Variants in HNF4A observed in about 807,000 individuals in gnomAD.
HNF4A encodes hepatocyte nuclear factor 4-alpha.
A neutral mutation model predicts 52.4 loss-of-function variants in HNF4A; 15 were observed. The ratio of observed to expected loss-of-function variants is 0.29; its 90% CI spans 0.19 to 0.44. The LOEUF (loss-of-function observed/expected upper bound fraction) is 0.44, where lower values mean the gene tolerates loss of function less well. Ranked by LOEUF, HNF4A falls within the 20% of genes least tolerant of loss-of-function variation. The probability of loss-of-function intolerance (pLI) is 1.00; values close to 1 mark genes in which losing one functional copy is unlikely to be tolerated. For missense variants in HNF4A, 479 were observed against 647.2 expected (o/e 0.74, Z 2.82); for synonymous variants, 280 against 264.4 (o/e 1.06, Z -0.57).
chr20:44,422,202 G>A (rs1256888187), intron 7 of HNF4A, among the ~76,000 whole-genome samples: 1 of 152,076 alleles, frequency 6.6e-6, no homozygotes, highest in African/African-American at 2.4e-5. Context: ...TTACCAGAGG[G>A]TGAGATTTCT....
chr20:44,425,656 C>T (rs184773767), intron 8 of HNF4A, among the ~76,000 whole-genome samples: 5 of 129,464 alleles, frequency 3.9e-5, no homozygotes, highest in Non-Finnish European at 4.8e-5. Flanking sequence ...TTCTTTTTTC[C>T]TTTTTTTTTT....
At position 44,418,518 on chromosome 20, in the gene HNF4A, G is replaced by A. The variant is rs747120718; in HGVS notation, c.736+6G>A. ...CAAGGACGTGCTGCTCCTAGGTGAG[G>A]CGGCTGCCTGCCCTGGCCAGGGCTC... On this transcript the variant is annotated splice_donor_region_variant and intron_variant, in intron 6 of 9. Transcript: ENST00000316099. The A allele has an allele frequency of 2.2e-5, 35 of 1,608,666 alleles. No individual in the cohort carries two copies. In the East Asian group the frequency reaches 7.8e-4, roughly 36 times the overall value.
chr20:44,390,625 AG>A (rs1568708512), intron 1 of HNF4A: 1 of 702,532 alleles, frequency 1.4e-6, no homozygotes, highest in Admixed American at 2.0e-5. Flanking sequence ...GGGACCCCAT[AG>A]CAGCAGGAGG....
intron 1 of HNF4A, among the ~76,000 whole-genome samples, chr20:44,376,285 A>G (rs1568696048): frequency 1.3e-5 from 2 of 152,142 alleles, no homozygotes; most frequent in South Asian, 4.1e-4. Flanking sequence ...ATATATATAT[A>G]GATTTCTAGA....
Position 44,402,521 on chromosome 20 carries a change from A to G in HNF4A, c.115+1034A>G, listed in dbSNP as rs368027314. The G allele has an allele frequency of 1.2e-4, 159 of 1,329,544 alleles. 1 individual carries two copies. The African/African-American group carries it at 2.1e-3, about 17-fold the overall frequency. The allele number at this position is 1,329,544 out of a possible 1,614,324, so 82.4% of individuals were successfully genotyped here. On this transcript the variant is annotated intron_variant, in intron 1 of 9. Coordinates refer to ENST00000316099, the MANE Select transcript of HNF4A (RefSeq NM_000457.6). ...TGTTGCCACTCACCAAGTGAGATTCATATCAGCAACATGTCCGTTTGTCTC... is the reference window on the plus strand; with the variant it reads ...TGTTGCCACTCACCAAGTGAGATTCGTATCAGCAACATGTCCGTTTGTCTC...
At position 44,386,994 on chromosome 20, in the gene HNF4A, A is replaced by T. The variant is rs927338240; in HGVS notation, c.50-19064A>T. Among the ~76,000 whole-genome samples the T allele has an allele frequency of 3.3e-5, 5 of 152,130 alleles. No individual in the cohort carries two copies. In the East Asian group the frequency reaches 9.6e-4, roughly 29 times the overall value. On this transcript the variant is annotated intron_variant, in intron 1 of 9. Transcript: ENST00000316673. ...TCAGTCATTCATCCAACAACTATCC[A>T]TTAAACACTTACTAAAATGTATTCC...
chr20:44,409,110 A>G (rs1236573965), intron 3 of HNF4A, among the ~76,000 whole-genome samples: 2 of 151,986 alleles, frequency 1.3e-5, no homozygotes, highest in African/African-American at 4.8e-5. Flanking sequence ...GTCTTGGAAA[A>G]TCTGGGCTTG....
chr20:44,419,862 T>C lies in HNF4A; in HGVS notation c.878T>C (p.Ile293Thr). The C allele has an allele frequency of 1.9e-6, 3 of 1,614,106 alleles. No homozygotes were observed. Among genetic ancestry groups the C allele is most frequent in the Non-Finnish European group, 1.7e-6 (2 of 1,179,988 alleles). The change falls in exon 7 of 10, where the codon ATC (isoleucine) becomes ACC (threonine). Residue 293 changes from isoleucine to threonine, a missense_variant. Physicochemically the swap from Ile to Thr is moderately conservative, Grantham distance 89 (BLOSUM62 -1). Around this residue, in one of 3 missense-constraint regions of HNF4A, gnomAD observed 389 missense variants for 525.1 expected, o/e 0.74. Transcript: ENST00000316099. ...GAGTATGCCTACCTCAAAGCCATCATCTTCTTTGACCCAGGTACAGTGCAC... is the reference window on the plus strand; with the variant it reads ...GAGTATGCCTACCTCAAAGCCATCACCTTCTTTGACCCAGGTACAGTGCAC...
At chr20:44,364,010 A>G (rs1410400511) in intron 1 of HNF4A, among the ~76,000 whole-genome samples, 1 of 152,038 alleles carries the variant, frequency 6.6e-6, no homozygotes, top group Non-Finnish European at 1.5e-5. Flanking sequence ...CTTTTGAGAA[A>G]TGGAGGTATG....
intron 1 of HNF4A, among the ~76,000 whole-genome samples, chr20:44,393,909 G>T (rs1446133838): frequency 2.6e-5 from 4 of 152,128 alleles, no homozygotes. Flanking sequence ...TAGACACAGG[G>T]TCTCACTATG....
chr20:44,434,182 T>C (rs111961008), downstream of HNF4A: 341 of 152,300 alleles, frequency 2.2e-3, 2 homozygotes, highest in African/African-American at 6.6e-3. Flanking sequence ...CAGCGTAACC[T>C]TGGGCAGGTC....
intron 1 of HNF4A, 21 bp from the exon 2 acceptor site, chr20:44,406,037 C>A (rs528117167): frequency 6.2e-7 from 1 of 1,609,986 alleles, no homozygotes; most frequent in South Asian, 1.1e-5. Context: ...TGAAGCCTCA[C>A]TCCCTTCTCT....
At chr20:44,375,042 A>G (rs2063070322) in intron 1 of HNF4A, among the ~76,000 whole-genome samples, 1 of 152,214 alleles carries the variant, frequency 6.6e-6, no homozygotes, top group Non-Finnish European at 1.5e-5. Flanking sequence ...TTCTTCAGAT[A>G]TCAAGGGTGG....
At chr20:44,401,062 T>C (rs2063400676), upstream of HNF4A, among the ~76,000 whole-genome samples, 1 of 151,690 alleles carries the variant, frequency 6.6e-6, no homozygotes, top group Admixed American at 6.6e-5. Flanking sequence ...CATCGGTGAG[T>C]TAGGGCCCCA....
intron 8 of HNF4A, 25 bp downstream of exon 8, chr20:44,424,279 G>T: frequency 6.2e-7 from 1 of 1,612,384 alleles, no homozygotes; most frequent in Non-Finnish European, 8.5e-7. Flanking sequence ...CAGGAGGGGC[G>T]GGGTTGGAGT....
chr20:44,381,802 G>C (rs906255249), intron 1 of HNF4A, among the ~76,000 whole-genome samples: 4 of 152,118 alleles, frequency 2.6e-5, no homozygotes, highest in South Asian at 2.1e-4. Context: ...GTAGAGACAG[G>C]GTTTCACCAT....
In HNF4A at chr20:44,401,480, G is replaced by T. The variant is rs745604501; in HGVS notation, c.108G>T (p.Met36Ile). Reference sequence around the variant, plus strand: ...TTGAGAATGTGCAGGTGTTGACGATGGGCAATGGTAGGTGGGGGCAGATGT... The same window carrying T: ...TTGAGAATGTGCAGGTGTTGACGATTGGCAATGGTAGGTGGGGGCAGATGT... Residue 36 changes from methionine (M) to isoleucine (I), a missense_variant, in exon 1 of 10, where the codon ATG becomes ATT. Transcript: ENST00000316099. 10 of 1,614,130 alleles carry T rather than the reference G, an allele frequency of 6.2e-6. No individual in the cohort carries two copies. The African/African-American group carries it at 1.3e-4, about 22-fold the overall frequency.
intron 3 of HNF4A, among the ~76,000 whole-genome samples, chr20:44,410,911 G>T (rs536520757): frequency 6.6e-6 from 1 of 152,186 alleles, no homozygotes; most frequent in Non-Finnish European, 1.5e-5. Context: ...ACAGAGAGGG[G>T]CTTCAGGTCT....
At chr20:44,428,607 T>C in intron 9 of HNF4A, 120 bp downstream of exon 9, 1 of 1,002,582 alleles carries the variant, frequency 1.0e-6, no homozygotes, top group Non-Finnish European at 1.5e-6. Context: ...GGTTCCAGGG[T>C]AGGGAATAAA....
Sources: allele counts gnomAD v4.1 joint callset (sites outside exome capture counted in the v4.1 genomes callset), GRCh38; gene constraint gnomAD v4.1.1; regional missense constraint gnomAD v4.1.1; transcripts MANE v1.5; gene names NCBI Gene and HGNC (gene_info 2026-07-23, HGNC 2026-07-21).